The following CHRM3 variants were observed in gnomAD, a reference collection of about 807,000 sequenced individuals.
The protein encoded by CHRM3 is muscarinic acetylcholine receptor M3.
A neutral mutation model predicts 41.8 loss-of-function variants in CHRM3; 11 were observed. The observed-to-expected ratio is 0.26, with a 90% CI of 0.17 to 0.44. The LOEUF (loss-of-function observed/expected upper bound fraction) is 0.44, where lower values mean the gene tolerates loss of function less well. Ranked by LOEUF, CHRM3 falls within the 20% of genes least tolerant of loss-of-function variation. The probability of loss-of-function intolerance (pLI) is 1.00; values close to 1 mark genes in which losing one functional copy is unlikely to be tolerated. For missense variants in CHRM3, 571 were observed against 745.4 expected, an observed-to-expected ratio of 0.77 and a Z score of 2.72; for synonymous variants, 297 against 301.4, an observed-to-expected ratio of 0.99 and a Z score of 0.15.
intron 5 of CHRM3, among the ~76,000 whole-genome samples, chr1:239,790,402 C>G (rs1049740989): frequency 6.6e-6 from 1 of 152,090 alleles, no homozygotes; most frequent in African/African-American, 2.4e-5. Context: ...GGGGAAGTTT[C>G]CCCCAAACTG....
At chr1:239,884,207 G>A (rs1018826384) in intron 6 of CHRM3, among the ~76,000 whole-genome samples, 6 of 152,216 alleles carry the variant, frequency 3.9e-5, no homozygotes, top group African/African-American at 1.4e-4. Flanking sequence ...AGGAGCTTGA[G>A]AGGAAGAGAT....
intron 2 of CHRM3, among the ~76,000 whole-genome samples, chr1:239,513,051 C>T (rs1045950504): frequency 1.3e-5 from 2 of 152,120 alleles, no homozygotes; most frequent in African/African-American, 2.4e-5. Context: ...GATTTTACAT[C>T]GTGGGTCATA....
chr1:239,600,954 A>C (rs1665455720), intron 3 of CHRM3, among the ~76,000 whole-genome samples: 1 of 152,180 alleles, frequency 6.6e-6, no homozygotes, highest in Non-Finnish European at 1.5e-5. Context: ...AGTGCAACAA[A>C]GTCCATTTGA....
At chr1:239,466,892 C>T (rs1665769967) in intron 1 of CHRM3, among the ~76,000 whole-genome samples, 1 of 152,150 alleles carries the variant, frequency 6.6e-6, no homozygotes, top group African/African-American at 2.4e-5. Flanking sequence ...TTCAGTCAAT[C>T]TTCCATAGTC....
chr1:239,814,137 A>G (rs998640997), intron 5 of CHRM3, among the ~76,000 whole-genome samples: 6 of 152,182 alleles, frequency 3.9e-5, no homozygotes, highest in African/African-American at 9.7e-5. Context: ...ACAAGGGATA[A>G]TAATCATTTT....
At chr1:239,651,471 G>T (rs76701601) in intron 4 of CHRM3, among the ~76,000 whole-genome samples, 1 of 152,156 alleles carries the variant, frequency 6.6e-6, no homozygotes, top group Non-Finnish European at 1.5e-5. Context: ...ATAAAGCCTC[G>T]CACAGAGAAT....
At position 239,909,012 on chromosome 1, in the gene CHRM3, A is replaced by G; in HGVS notation, c.1561A>G (p.Ile521Val). The G allele has an allele frequency of 1.1e-5, 17 of 1,614,194 alleles. No homozygotes were observed. Among genetic ancestry groups the G allele is most frequent in the Middle Eastern group, 1.6e-4 (1 of 6,062 alleles). The change falls in exon 7 of 7, where the codon ATA becomes GTA. Residue 521 changes from isoleucine (I) to valine (V), a missense_variant. Ile to Val is a conservative substitution (Grantham distance 29). This residue lies in a region of CHRM3 where 43 missense variants were observed against 93.7 expected (regional missense o/e 0.46). Transcript: ENST00000676153. ...VLVNTFCDSC[I>V]PKTFWNLGYW... ...GGTGAACACCTTTTGTGACAGCTGC[A>G]TACCCAAAACCTTTTGGAATCTGGG...
intron 1 of CHRM3, among the ~76,000 whole-genome samples, chr1:239,439,693 G>A (rs1274277126): frequency 6.6e-6 from 1 of 152,140 alleles, no homozygotes; most frequent in Non-Finnish European, 1.5e-5. Context: ...AGACTTGTTG[G>A]TTGATCATGA....
At chr1:239,506,605 G>T (rs1183628461) in intron 2 of CHRM3, among the ~76,000 whole-genome samples, 1 of 152,198 alleles carries the variant, frequency 6.6e-6, no homozygotes, top group Non-Finnish European at 1.5e-5. Context: ...GGGCAGTGCA[G>T]AAGTGAAATA....
intron 1 of CHRM3, among the ~76,000 whole-genome samples, chr1:239,396,413 C>A (rs1046363600): frequency 6.6e-6 from 1 of 151,942 alleles, no homozygotes; most frequent in South Asian, 2.1e-4. Flanking sequence ...AAGTTGAAGA[C>A]CAACCTGGGC....
At chr1:239,648,461 A>C (rs539331976) in intron 4 of CHRM3, among the ~76,000 whole-genome samples, 2 of 152,286 alleles carry the variant, frequency 1.3e-5, no homozygotes, top group African/African-American at 4.8e-5. Flanking sequence ...GTATAACAAG[A>C]GAGTGTGGAC....
At chr1:239,423,227 G>A (rs991917601) in intron 1 of CHRM3, among the ~76,000 whole-genome samples, 1 of 152,102 alleles carries the variant, frequency 6.6e-6, no homozygotes, top group African/African-American at 2.4e-5. Flanking sequence ...TTTAGAACAT[G>A]CATTAAAAAA....
chr1:239,802,392 A>G (rs943588388), intron 5 of CHRM3, among the ~76,000 whole-genome samples: 19 of 152,220 alleles, frequency 1.2e-4, no homozygotes, highest in Middle Eastern at 3.2e-3. Context: ...TAACCAAGAA[A>G]TACAGCAGGA....
At chr1:239,509,028 T>C (rs1250740764) in intron 2 of CHRM3, among the ~76,000 whole-genome samples, 1 of 152,222 alleles carries the variant, frequency 6.6e-6, no homozygotes, top group Non-Finnish European at 1.5e-5. Context: ...TGCCTCATCC[T>C]ATGTAAAATG....
At chr1:239,662,689 G>A (rs973618335) in intron 4 of CHRM3, among the ~76,000 whole-genome samples, 52 of 152,090 alleles carry the variant, frequency 3.4e-4, no homozygotes, top group African/African-American at 1.3e-3. Flanking sequence ...ATAGTTTTCT[G>A]CAATGGATAT....
intron 5 of CHRM3, among the ~76,000 whole-genome samples, chr1:239,760,028 C>T (rs1295818789): frequency 1.3e-5 from 2 of 152,106 alleles, no homozygotes; most frequent in Admixed American, 6.5e-5. Context: ...CATTCTCCTG[C>T]CTCAGCCTCC....
At chr1:239,573,395 A>G (rs1181592839) in intron 3 of CHRM3, among the ~76,000 whole-genome samples, 1 of 152,150 alleles carries the variant, frequency 6.6e-6, no homozygotes, top group Non-Finnish European at 1.5e-5. Context: ...TTTAACATTG[A>G]TATGTCCCAG....
At chr1:239,475,969 T>C (rs944313299) in intron 1 of CHRM3, among the ~76,000 whole-genome samples, 1 of 152,182 alleles carries the variant, frequency 6.6e-6, no homozygotes, top group African/African-American at 2.4e-5. Context: ...TCATGAATAG[T>C]CTTCCTTTAA....
chr1:239,651,324 G>A (rs1029446248), intron 4 of CHRM3, among the ~76,000 whole-genome samples: 3 of 152,180 alleles, frequency 2.0e-5, no homozygotes, highest in Non-Finnish European at 4.4e-5. Context: ...GGTGGAGATA[G>A]GATTGTGTCT....
Sources: allele counts gnomAD v4.1 joint callset (sites outside exome capture counted in the v4.1 genomes callset), GRCh38; gene constraint gnomAD v4.1.1; regional missense constraint gnomAD v4.1.1; transcripts MANE v1.5; gene names NCBI Gene and HGNC (gene_info 2026-07-23, HGNC 2026-07-21).